Variants in ITGB2 observed in about 807,000 individuals in gnomAD.
ITGB2 encodes the protein integrin beta-2.
Under a neutral mutation model 86.8 loss-of-function variants are expected in ITGB2, and 56 were observed. The observed-to-expected ratio is 0.65, with a 90% CI of 0.52 to 0.81. The LOEUF is 0.81. Ranked by LOEUF, ITGB2 falls within the 30% of genes least tolerant of loss-of-function variation. ITGB2 has a pLI of 0.00. For missense variants in ITGB2, 948 were observed against 1,061.2 expected (o/e 0.89, Z 1.48); for synonymous variants, 457 against 450.4 (o/e 1.01, Z -0.19).
intron 8 of ITGB2, among the ~76,000 whole-genome samples, chr21:44,897,485 G>A (rs186873678): frequency 2.0e-4 from 31 of 152,326 alleles, no homozygotes; most frequent in African/African-American, 6.7e-4. Context: ...GTCACTGTCC[G>A]GATGAGGATA....
At chr21:44,894,000 G>C (rs1053172152) in intron 9 of ITGB2, 8 of 289,338 alleles carry the variant, frequency 2.8e-5, no homozygotes, top group Non-Finnish European at 4.2e-5. Context: ...GAGACAGAGA[G>C]AGACAGACAG....
intron 5 of ITGB2, among the ~76,000 whole-genome samples, chr21:44,902,443 G>A (rs1241136918): frequency 2.6e-5 from 4 of 151,334 alleles, no homozygotes; most frequent in Non-Finnish European, 4.4e-5. Flanking sequence ...ATGCATTTGC[G>A]TGTGAGCATA....
chr21:44,888,815 G>C lies in ITGB2; in HGVS notation c.1958C>G (p.Ser653Trp). ...CSAACPGLQL[S>W]NNPVKGRTCK... is the part of the protein sequence containing the mutation. The stretch of plus-strand genomic sequence containing the variant: ...GGTCCTGCCCTTCACGGGGTTGTTC[G>C]ACAGCTGCAGGCCCGGACACGCCGC... The change falls in exon 14 of 16, where the codon TCG becomes TGG. Residue 653 changes from serine to tryptophan, a missense_variant. Coordinates refer to ENST00000652462, the MANE Select transcript of ITGB2 (RefSeq NM_000211.5). 6.2e-7 allele frequency: 1 copy of C among 1,611,482 alleles called. No homozygotes were observed. Among genetic ancestry groups the C allele is most frequent in the Non-Finnish European group, 8.5e-7 (1 of 1,179,974 alleles).
Position 44,927,324 on chromosome 21 carries a change from G to T in ITGB2, c.-4+1330C>A, listed in dbSNP as rs142251556. 2.2e-4 allele frequency among the ~76,000 whole-genome samples: 33 copies of T among 152,306 alleles called. No homozygotes were observed. In the South Asian group the frequency reaches 6.4e-3, roughly 30 times the overall value. ...ATATTTTGGCAGCACCAAGGGAAGA[G>T]TCAGGTCAGTGAGGTTCATAAGGGA... is the stretch of plus-strand genomic sequence containing the variant. On this transcript the variant is annotated intron_variant, in intron 1 of 15. Transcript: ENST00000355153.
rs200926893 is a variant in ITGB2 at position 44,889,970 on chromosome 21, G to T, written c.1657+8C>A. On this transcript the variant is annotated splice_region_variant and intron_variant, in intron 12 of 15. Transcript: ENST00000652462. Reference sequence around the variant, plus strand: ...CGGCCGTTGTCCAGCAGGGACCCACGGGCTCACCCGGGCCGCCGCAGACCT... The same window carrying T: ...CGGCCGTTGTCCAGCAGGGACCCACTGGCTCACCCGGGCCGCCGCAGACCT... The T allele has an allele frequency of 1.2e-6, 2 of 1,612,844 alleles. No individual in the cohort carries two copies. The highest frequency in any genetic ancestry group is 1.1e-5 in the South Asian group (1 of 91,074).
At chr21:44,919,692 G>A (rs758612441) in intron 1 of ITGB2, among the ~76,000 whole-genome samples, 2 of 152,132 alleles carry the variant, frequency 1.3e-5, no homozygotes, top group Non-Finnish European at 2.9e-5. Context: ...TGAGCTCTCC[G>A]GCCATCCCCC....
rs779741077 is a variant in ITGB2 at position 44,886,722 on chromosome 21, G to A, written c.2247+14C>T. The A allele has an allele frequency of 2.5e-6, 4 of 1,613,958 alleles. No individual in the cohort carries two copies. In the South Asian group the frequency reaches 4.4e-5, roughly 18 times the overall value. On this transcript the variant is annotated intron_variant, in intron 15 of 15. Coordinates refer to ENST00000652462, the MANE Select transcript of ITGB2 (RefSeq NM_000211.5). ...GTGCCCCTCTGCGTGGGACCCCCAA[G>A]GACGGCCACTTACATTGTTCCACTG... is the stretch of plus-strand genomic sequence containing the variant.
intron 4 of ITGB2, among the ~76,000 whole-genome samples, chr21:44,904,132 C>A (rs553243649): frequency 3.3e-5 from 5 of 152,264 alleles, no homozygotes; most frequent in Non-Finnish European, 5.9e-5. Flanking sequence ...CATAAACACA[C>A]ATCATGTTAA....
intron 7 of ITGB2, 33 bp downstream of exon 7, chr21:44,900,287 G>T: frequency 6.2e-7 from 1 of 1,614,032 alleles, no homozygotes; most frequent in Non-Finnish European, 8.5e-7. Context: ...TGTCCTGCCA[G>T]GCGGTGCCTG....
chr21:44,889,173 G>A (rs920157444), intron 13 of ITGB2, 103 bp downstream of exon 13: 23 of 1,131,154 alleles, frequency 2.0e-5, no homozygotes, highest in East Asian at 1.2e-4. Context: ...AGAACCCCGC[G>A]GTGCAGAGGT....
upstream of ITGB2, among the ~76,000 whole-genome samples, chr21:44,923,823 G>A (rs57894530): frequency 0.26 from 38,784 of 152,026 alleles, 5,613 homozygotes; most frequent in African/African-American, 0.39. Flanking sequence ...AAAAGTGTAA[G>A]AAAGGCTCTC....
At chr21:44,890,361 C>A in intron 11 of ITGB2, 139 bp from the exon 12 acceptor site, 1 of 1,069,092 alleles carries the variant, frequency 9.4e-7, no homozygotes, top group Non-Finnish European at 1.4e-6. Context: ...GCCTACTGAG[C>A]ACTTGCCACG....
At chr21:44,898,114 G>A (rs1568889148) in intron 8 of ITGB2, among the ~76,000 whole-genome samples, 1 of 152,154 alleles carries the variant, frequency 6.6e-6, no homozygotes, top group African/African-American at 2.4e-5. Flanking sequence ...ATTTGGGGTG[G>A]GGCCCTGGAC....
Position 44,886,183 on chromosome 21 carries a change from T to G in ITGB2, c.*185A>C, listed in dbSNP as rs2083695069. On this transcript the variant is annotated 3_prime_UTR_variant, in exon 16 of 16. Coordinates refer to ENST00000652462, the MANE Select transcript of ITGB2 (RefSeq NM_000211.5). ...CATGCAAAGACTGTGCCAGTCAGAG[T>G]GGAGCTGTCCCCCCGACGAGCCCCC... 6.2e-6 allele frequency: 4 copies of G among 649,500 alleles called. No homozygotes were observed. Among genetic ancestry groups the G allele is most frequent in the Non-Finnish European group, 8.4e-6 (3 of 356,700 alleles). The allele number at this position is 649,500 out of a possible 1,614,324, so 40.2% of individuals were successfully genotyped here.
At chr21:44,899,024 CA>C in intron 8 of ITGB2, 42 bp downstream of exon 8, 2 of 1,491,982 alleles carry the variant, frequency 1.3e-6, no homozygotes, top group Non-Finnish European at 1.9e-6. Flanking sequence ...GTGGCTGAAA[CA>C]TGCCCCCACC....
At chr21:44,907,995 A>G in intron 3 of ITGB2, 1 of 712,398 alleles carries the variant, frequency 1.4e-6, no homozygotes. Flanking sequence ...AATCTCACTG[A>G]AAGGTGTTTA....
intron 13 of ITGB2, 109 bp downstream of exon 13, chr21:44,889,167 C>A (rs2083746269): frequency 8.2e-6 from 9 of 1,091,510 alleles, no homozygotes; most frequent in Non-Finnish European, 1.2e-5. Flanking sequence ...CCGCAGAGAA[C>A]CCCGCGGTGC....
intron 10 of ITGB2, 83 bp downstream of exon 10, chr21:44,893,321 C>A (rs1474455914): frequency 1.3e-6 from 2 of 1,562,276 alleles, no homozygotes; most frequent in Non-Finnish European, 1.8e-6. Context: ...CCTCAGTGTG[C>A]TGGGATGGGG....
chr21:44,894,713 G>A, intron 9 of ITGB2: 1 of 534,072 alleles, frequency 1.9e-6, no homozygotes, highest in Admixed American at 3.1e-5. Context: ...AGAAGAGTCT[G>A]GAATGAAGAG....
Sources: allele counts gnomAD v4.1 joint callset (sites outside exome capture counted in the v4.1 genomes callset), GRCh38; gene constraint gnomAD v4.1.1; transcripts MANE v1.5; gene names NCBI Gene and HGNC (gene_info 2026-07-23, HGNC 2026-07-21).